MED13: variants seen among roughly 807,000 people sequenced by gnomAD.
MED13 encodes the protein mediator of RNA polymerase II transcription subunit 13.
In MED13, 23 loss-of-function variants were observed where a neutral mutation model predicts 225.2. The ratio of observed to expected loss-of-function variants is 0.10; its 90% CI spans 0.07 to 0.14. MED13 has a LOEUF of 0.14. Among genes scored for constraint, MED13 ranks in the 10% least tolerant of loss-of-function variants. MED13 has a pLI of 1.00. For missense variants in MED13, 2,197 were observed against 2,594.5 expected (o/e 0.85, Z 3.33); for synonymous variants, 942 against 889.2 (o/e 1.06, Z -1.06).
intron 8 of MED13, among the ~76,000 whole-genome samples, chr17:62,017,613 T>C (rs1160659250): frequency 6.6e-5 from 10 of 152,108 alleles, no homozygotes; most frequent in African/African-American, 2.4e-4. Flanking sequence ...GCAAAAACAA[T>C]AGGCAGCAAA....
At chr17:61,948,557 A>G (rs1465625445) in intron 28 of MED13, among the ~76,000 whole-genome samples, 1 of 151,954 alleles carries the variant, frequency 6.6e-6, no homozygotes, top group Non-Finnish European at 1.5e-5. Context: ...TATGACTAGA[A>G]AAGAGGACAG....
chr17:61,999,755 C>T (rs2080377831), intron 9 of MED13, among the ~76,000 whole-genome samples: 1 of 152,070 alleles, frequency 6.6e-6, no homozygotes, highest in Admixed American at 6.6e-5. Context: ...CCTGAAACTG[C>T]TAATCAGAAA....
chr17:61,984,563 C>T, intron 14 of MED13, 88 bp downstream of exon 14: 3 of 1,226,020 alleles, frequency 2.4e-6, no homozygotes, highest in Admixed American at 2.6e-5. Context: ...ACCGCAACCA[C>T]TATAAAATAA....
intron 2 of MED13, among the ~76,000 whole-genome samples, chr17:62,053,632 A>C (rs2080974236): frequency 1.3e-5 from 2 of 152,206 alleles, no homozygotes; most frequent in South Asian, 4.1e-4. Context: ...GTCTAAATAT[A>C]ATTAACTCTC....
At chr17:61,974,546 C>A (rs755683930) in intron 16 of MED13, among the ~76,000 whole-genome samples, 1 of 124,630 alleles carries the variant, frequency 8.0e-6, no homozygotes, top group Non-Finnish European at 1.6e-5. Flanking sequence ...GGCACATGTA[C>A]CCATAACCTA....
intron 11 of MED13, among the ~76,000 whole-genome samples, chr17:61,990,627 GTA>G (rs5821345): frequency 0.33 from 45,367 of 138,708 alleles, 7,351 homozygotes; most frequent in Middle Eastern, 0.47. Context: ...GGCGCACTGT[GTA>G]TATATATATA....
chr17:61,997,641 G>C (rs1026131356), intron 9 of MED13, among the ~76,000 whole-genome samples: 12 of 152,102 alleles, frequency 7.9e-5, no homozygotes, highest in Non-Finnish European at 1.8e-4. Flanking sequence ...CAAGGGCTTT[G>C]CTGAGGTCAC....
At position 61,966,478 on chromosome 17, in the gene MED13, G is replaced by A. The variant is rs2080059197; in HGVS notation, c.4365C>T (p.Val1455=). The A allele has an allele frequency of 6.2e-7, 1 of 1,612,532 alleles. No homozygotes were observed. The highest frequency in any genetic ancestry group is 1.3e-5 in the African/African-American group (1 of 74,866). ...ATTCAATACCTAGGTCATATCTGCA[G>A]ACTTGTGCATAAAGCTTGAGTTTAG... ...AFSKLKLYAQ[V]CRYDLGPYLA... Residue 1455 remains valine, a synonymous_variant, in exon 19 of 30, where the codon GTC becomes GTT. Coordinates refer to ENST00000397786, the MANE Select transcript of MED13 (RefSeq NM_005121.3).
intron 28 of MED13, among the ~76,000 whole-genome samples, chr17:61,948,100 T>TACTC (rs1376630402): frequency 1.3e-5 from 2 of 152,202 alleles, no homozygotes; most frequent in African/African-American, 4.8e-5. Context: ...TTAGTACCAG[T>TACTC]ACTCTATTCC....
At chr17:62,007,697 A>C (rs984894182) in intron 9 of MED13, among the ~76,000 whole-genome samples, 1 of 151,374 alleles carries the variant, frequency 6.6e-6, no homozygotes. Context: ...AAATACAAAA[A>C]ATTAGCCGGG....
At position 62,063,375 on chromosome 17, in the gene MED13, T is replaced by C. The variant is rs2081056925; in HGVS notation, c.67-74A>G. ...TCAAAAGTACTCAATATGATGTCTCTTATTTCATTAAGACATTACAATTTT... is the reference window on the plus strand; with the variant it reads ...TCAAAAGTACTCAATATGATGTCTCCTATTTCATTAAGACATTACAATTTT... On this transcript the variant is annotated intron_variant, in intron 1 of 29. Transcript: ENST00000397786. The C allele has an allele frequency of 4.3e-6, 4 of 929,490 alleles. No individual in the cohort carries two copies. In the South Asian group the frequency reaches 4.8e-5, roughly 11 times the overall value. 57.6% of individuals were successfully genotyped at this position (929,490 alleles called of 1,614,324 possible).
intron 8 of MED13, among the ~76,000 whole-genome samples, chr17:62,012,024 T>C (rs910216546): frequency 6.6e-5 from 10 of 152,078 alleles, no homozygotes; most frequent in African/African-American, 7.2e-5. Flanking sequence ...CGAGACCAGC[T>C]TGGCCAACAT....
intron 11 of MED13, 21 bp from the exon 12 acceptor site, chr17:61,987,149 A>C: frequency 6.4e-7 from 1 of 1,569,598 alleles, no homozygotes; most frequent in Non-Finnish European, 8.6e-7. Context: ...CAATCAGAAA[A>C]ATAAAATTAA....
chr17:62,017,604 C>T (rs1361687592), intron 8 of MED13, among the ~76,000 whole-genome samples: 1 of 152,032 alleles, frequency 6.6e-6, no homozygotes, highest in Non-Finnish European at 1.5e-5. Flanking sequence ...AAAGATGGTG[C>T]AAAAACAATA....
chr17:62,013,503 G>A (rs750568825), intron 8 of MED13, among the ~76,000 whole-genome samples: 17 of 151,964 alleles, frequency 1.1e-4, no homozygotes, highest in East Asian at 5.8e-4. Flanking sequence ...ATATACACTC[G>A]GCAAGCAAGG....
chr17:61,987,423 G>A (rs2080257577), intron 11 of MED13, among the ~76,000 whole-genome samples: 1 of 151,902 alleles, frequency 6.6e-6, no homozygotes, highest in Non-Finnish European at 1.5e-5. Context: ...GACAGAGCGA[G>A]ACTCCATCTT....
chr17:61,973,677 T>C (rs2080128583), intron 16 of MED13, among the ~76,000 whole-genome samples: 1 of 152,178 alleles, frequency 6.6e-6, no homozygotes, highest in Admixed American at 6.5e-5. Context: ...TGGCCCCAAT[T>C]TCCTATACCT....
chr17:61,964,357 A>T (rs1228932073), intron 20 of MED13, among the ~76,000 whole-genome samples: 1 of 151,718 alleles, frequency 6.6e-6, no homozygotes, highest in East Asian at 2.0e-4. Context: ...CAGATTGCTG[A>T]GTCCAAGAGT....
chr17:61,980,914 G>A (rs2080198396), intron 16 of MED13, among the ~76,000 whole-genome samples: 1 of 151,678 alleles, frequency 6.6e-6, no homozygotes, highest in Admixed American at 6.6e-5. Flanking sequence ...GCTAATTTTT[G>A]TATTTTTCAC....
Sources: allele counts gnomAD v4.1 joint callset (sites outside exome capture counted in the v4.1 genomes callset), GRCh38; gene constraint gnomAD v4.1.1; transcripts MANE v1.5; gene names NCBI Gene and HGNC (gene_info 2026-07-23, HGNC 2026-07-21).